The following TRAK1 variants were observed in gnomAD, a reference collection of about 807,000 sequenced individuals.
The protein encoded by TRAK1 is trafficking kinesin protein 1.
TRAK1 carries 33 observed loss-of-function variants against 92.1 expected under a neutral mutation model. That is an observed-to-expected ratio of 0.36 (90% CI 0.27 to 0.48). The LOEUF (loss-of-function observed/expected upper bound fraction) is 0.48, where lower values mean the gene tolerates loss of function less well. Among genes scored for constraint, TRAK1 ranks in the 20% least tolerant of loss-of-function variants. The pLI is 0.99. For missense variants in TRAK1, 1,123 were observed against 1,257.9 expected (o/e 0.89, Z 1.62); for synonymous variants, 521 against 517.3 (o/e 1.01, Z -0.10).
At position 42,223,939 on chromosome 3, in the gene TRAK1, T is replaced by G; in HGVS notation, c.*202T>G. 2 of 667,728 alleles carry G rather than the reference T, an allele frequency of 3.0e-6. No individual in the cohort carries two copies. The highest frequency in any genetic ancestry group is 5.2e-6 in the Non-Finnish European group (2 of 381,348). The allele number at this position is 667,728 out of a possible 1,614,324, so 41.4% of individuals were successfully genotyped here. ...GTGTACATAGGACTTGGAGACCTTG[T>G]GTCCGCCCTGCTCTTTCTTCCGATC... On this transcript the variant is annotated 3_prime_UTR_variant, in exon 16 of 16. Transcript: ENST00000327628. This position sits in a 1 kb window ranked among gnomAD's most constrained non-coding sequence, Gnocchi z 6.1.
rs1700471765 is a variant in TRAK1, at chr3:42,155,850, A to G, written c.287-20964A>G. Reference sequence around the variant, plus strand: ...CCAGTGGCTTGTGGCCACTCTTTGGACAACACAGGGTAGAGCTTTGGGAAG... The same window carrying G: ...CCAGTGGCTTGTGGCCACTCTTTGGGCAACACAGGGTAGAGCTTTGGGAAG... On this transcript the variant is annotated intron_variant, in intron 2 of 15. Coordinates refer to ENST00000327628, the MANE Select transcript of TRAK1 (RefSeq NM_001042646.3). Among the ~76,000 whole-genome samples the G allele has an allele frequency of 2.0e-5, 3 of 152,178 alleles. No individual in the cohort carries two copies. In the South Asian group the frequency reaches 6.2e-4, roughly 32 times the overall value.
chr3:42,116,319 G>A (rs148999470), intron 1 of TRAK1, among the ~76,000 whole-genome samples: 6 of 152,336 alleles, frequency 3.9e-5, no homozygotes, highest in African/African-American at 1.2e-4. Context: ...TAGCTCTAAT[G>A]TCCTCTTTGT....
chr3:42,122,262 A>T (rs1023142492), intron 1 of TRAK1, among the ~76,000 whole-genome samples: 1 of 152,200 alleles, frequency 6.6e-6, no homozygotes, highest in Non-Finnish European at 1.5e-5. Context: ...GAAACATGGA[A>T]GGACGGGTCA....
chr3:42,080,967 TG>T (rs976524236), intron 1 of TRAK1, among the ~76,000 whole-genome samples: 12 of 152,108 alleles, frequency 7.9e-5, no homozygotes, highest in African/African-American at 2.9e-4. Context: ...CTCAACTTCC[TG>T]GGTTCAGGTG....
At chr3:42,179,429 C>T (rs1228727187) in intron 3 of TRAK1, among the ~76,000 whole-genome samples, 5 of 152,186 alleles carry the variant, frequency 3.3e-5, no homozygotes, top group African/African-American at 4.8e-5. Context: ...GTGGAGAGTT[C>T]GCTTCTGGTT....
At chr3:42,071,877 C>T (rs1316684685) in intron 1 of TRAK1, among the ~76,000 whole-genome samples, 2 of 152,182 alleles carry the variant, frequency 1.3e-5, no homozygotes, top group African/African-American at 4.8e-5. Flanking sequence ...GCTTTTCAGC[C>T]TGGAGTCTCA....
chr3:42,205,584 G>C (rs1178094319), intron 13 of TRAK1, among the ~76,000 whole-genome samples: 1 of 152,200 alleles, frequency 6.6e-6, no homozygotes, highest in African/African-American at 2.4e-5. Flanking sequence ...ACCAAGGCGG[G>C]CAGTATTTTT....
At chr3:42,092,844 C>T (rs527711241) in intron 1 of TRAK1, among the ~76,000 whole-genome samples, 1 of 152,196 alleles carries the variant, frequency 6.6e-6, no homozygotes, top group South Asian at 2.1e-4. Context: ...CCTCGGCCTC[C>T]CAAAGTGCTG....
intron 14 of TRAK1, among the ~76,000 whole-genome samples, chr3:42,214,161 C>T (rs1182820024): frequency 1.3e-5 from 2 of 152,180 alleles, no homozygotes; most frequent in East Asian, 1.9e-4. Context: ...CAGAGGGCCC[C>T]CTGGTGCTCC....
chr3:42,016,025 A>G (rs1701510080), intron 1 of TRAK1, among the ~76,000 whole-genome samples: 1 of 152,086 alleles, frequency 6.6e-6, no homozygotes, highest in South Asian at 2.1e-4. Flanking sequence ...CGACAGAGCA[A>G]GACCCCATCT....
rs1037026130 is a variant in TRAK1 at position 42,052,630 on chromosome 3, G to A, written c.-518-34474G>A. On this transcript the variant is annotated intron_variant, in intron 1 of 16. Coordinates refer to the TRAK1 transcript ENST00000487159. ...AAAAAAATAACTTGGGCTACTCTGC[G>A]TCATGTGAAGAAGTAACTGGGTCTC... Among the ~76,000 whole-genome samples the A allele has an allele frequency of 4.6e-5, 7 of 152,334 alleles. No individual in the cohort carries two copies. In the East Asian group the frequency reaches 5.8e-4, roughly 13 times the overall value.
intron 14 of TRAK1, among the ~76,000 whole-genome samples, chr3:42,214,762 C>G (rs1709468603): frequency 6.6e-6 from 1 of 152,122 alleles, no homozygotes; most frequent in African/African-American, 2.4e-5. Flanking sequence ...TCCTGCTGGC[C>G]AGATGTCTGA....
chr3:42,174,905 A>G (rs1023820826), intron 2 of TRAK1, among the ~76,000 whole-genome samples: 15 of 151,764 alleles, frequency 9.9e-5, no homozygotes, highest in African/African-American at 1.2e-4. Context: ...GTGGTTATCT[A>G]CACATGACTG....
Position 42,193,131 on chromosome 3 carries a change from G to A in TRAK1, c.826G>A (p.Asp276Asn). The change falls in exon 8 of 16, where the codon GAT becomes AAT. Residue 276 changes from aspartate (D) to asparagine (N), a missense_variant. Physicochemically the swap from Asp to Asn is conservative, Grantham distance 23. Transcript: ENST00000327628. The part of the protein sequence containing the change: ...ISEELAKKTE[D>N]AARQQEEITH... ...AGAGGAACTGGCCAAGAAGACGGAA[G>A]ATGCTGCCCGCCAGCAAGAGGAGAT... 1.2e-6 allele frequency: 2 copies of A among 1,614,228 alleles called. No homozygotes were observed. The highest frequency in any genetic ancestry group is 1.7e-6 in the Non-Finnish European group (2 of 1,180,030).
At chr3:42,020,434 A>C (rs971710146) in intron 1 of TRAK1, among the ~76,000 whole-genome samples, 1 of 152,038 alleles carries the variant, frequency 6.6e-6, no homozygotes, top group South Asian at 2.1e-4. Flanking sequence ...TCTTTTGCTC[A>C]ATGTTTTGTC....
chr3:42,192,870 A>G (rs896846595), intron 7 of TRAK1, among the ~76,000 whole-genome samples: 4 of 152,174 alleles, frequency 2.6e-5, no homozygotes, highest in African/African-American at 9.7e-5. Flanking sequence ...ATTCTTTTTC[A>G]TAACTGATTG....
At chr3:42,208,819 G>A (rs1708634300) in intron 13 of TRAK1, among the ~76,000 whole-genome samples, 1 of 152,226 alleles carries the variant, frequency 6.6e-6, no homozygotes, top group Admixed American at 6.5e-5. Flanking sequence ...TGTCATGTGA[G>A]GTGTTAATAA....
At chr3:42,074,596 G>C (rs1244113980) in intron 1 of TRAK1, among the ~76,000 whole-genome samples, 1 of 151,886 alleles carries the variant, frequency 6.6e-6, no homozygotes, top group African/African-American at 2.4e-5. Flanking sequence ...TCCTCAGATA[G>C]AAACAAAATG....
intron 1 of TRAK1, among the ~76,000 whole-genome samples, chr3:42,072,132 C>T (rs750893497): frequency 5.3e-5 from 8 of 152,192 alleles, no homozygotes; most frequent in African/African-American, 1.9e-4. Context: ...CAGTATTAAG[C>T]GTCCGGAGGC....
Sources: allele counts gnomAD v4.1 joint callset (sites outside exome capture counted in the v4.1 genomes callset), GRCh38; gene constraint gnomAD v4.1.1; non-coding constraint Gnocchi (gnomAD v3.1); transcripts MANE v1.5; gene names NCBI Gene and HGNC (gene_info 2026-07-23, HGNC 2026-07-21).